The following MSI2 variants were observed in gnomAD, a reference collection of about 807,000 sequenced individuals.
MSI2 encodes the protein musashi RNA binding protein 2, also known as RNA-binding protein Musashi homolog 2.
A neutral mutation model predicts 45.6 loss-of-function variants in MSI2; 17 were observed. That is an observed-to-expected ratio of 0.37 (90% CI 0.26 to 0.56). The LOEUF (loss-of-function observed/expected upper bound fraction) is 0.56. Ranked by LOEUF, MSI2 falls within the 20% of genes least tolerant of loss-of-function variation. The pLI, the probability that MSI2 is intolerant of heterozygous loss-of-function variation, is 0.77. For missense variants in MSI2, 293 were observed against 444.2 expected (o/e 0.66, Z 3.06); for synonymous variants, 156 against 158.2 (o/e 0.99, Z 0.11).
At chr17:57,555,152 C>T (rs2087401824) in intron 7 of MSI2, among the ~76,000 whole-genome samples, 1 of 152,316 alleles carries the variant, frequency 6.6e-6, no homozygotes, top group East Asian at 1.9e-4. Flanking sequence ...GTTGCTCAAG[C>T]CATACCTGAG....
At chr17:57,358,149 G>T (rs1437928301) in intron 5 of MSI2, among the ~76,000 whole-genome samples, 3 of 152,136 alleles carry the variant, frequency 2.0e-5, no homozygotes, top group Non-Finnish European at 4.4e-5. Flanking sequence ...GTGAAAAGTT[G>T]AGGGCAGAGG....
chr17:57,518,461 C>G (rs1489932699), intron 6 of MSI2, among the ~76,000 whole-genome samples: 1 of 152,184 alleles, frequency 6.6e-6, no homozygotes, highest in Non-Finnish European at 1.5e-5. Context: ...CGTATTAGGA[C>G]AGATGAGGTG....
At chr17:57,448,952 C>CT (rs1235459251) in intron 6 of MSI2, 4 of 152,198 alleles carry the variant, frequency 2.6e-5, no homozygotes, top group African/African-American at 9.7e-5. Context: ...TGCTGAGGGC[C>CT]TAGCGTGATG....
chr17:57,301,087 T>C (rs138552517), intron 5 of MSI2, among the ~76,000 whole-genome samples: 67 of 152,334 alleles, frequency 4.4e-4, no homozygotes, highest in Non-Finnish European at 2.2e-4. Context: ...ACCTTCCTTA[T>C]GTAACAAAAC....
At chr17:57,653,287 G>A (rs575659051) in intron 11 of MSI2, among the ~76,000 whole-genome samples, 3 of 152,286 alleles carry the variant, frequency 2.0e-5, no homozygotes, top group South Asian at 2.1e-4. Flanking sequence ...CCACTCCCCC[G>A]AATCATCCCA....
intron 7 of MSI2, among the ~76,000 whole-genome samples, chr17:57,594,867 G>C (rs956829862): frequency 2.6e-5 from 4 of 152,090 alleles, no homozygotes; most frequent in African/African-American, 9.7e-5. Context: ...TACATCTGAT[G>C]CTGCCTTATG....
At chr17:57,497,811 C>T (rs954003123) in intron 6 of MSI2, among the ~76,000 whole-genome samples, 4 of 152,152 alleles carry the variant, frequency 2.6e-5, no homozygotes, top group African/African-American at 4.8e-5. Context: ...CTGCACTGTC[C>T]GGACAAGCTG....
Position 57,682,322 on chromosome 17 carries a change from C to CCG in MSI2, c.*2806_*2807insGC. ...ACTCTACGGCGTTTTGTAGATCCCC[C>CCG]CCCCCCCACCCACTGTGAAGGGGTG... On this transcript the variant is annotated 3_prime_UTR_variant, in exon 14 of 14. Coordinates refer to ENST00000284073, the MANE Select transcript of MSI2 (RefSeq NM_138962.4). The CCG allele has an allele frequency of 6.6e-6, 1 of 151,674 alleles. No homozygotes were observed. The highest frequency in any genetic ancestry group is 1.5e-4 in the East Asian group (1 of 6,790). 9.4% of individuals were successfully genotyped at this position (151,674 alleles called of 1,614,324 possible). A position where few individuals can be genotyped will look rare whatever the true frequency, so the allele number is the denominator to read the frequency against.
Position 57,280,981 on chromosome 17 carries a change from G to A in MSI2, c.312+18789G>A, listed in dbSNP as rs145532198. ...CTCTGCAATCCAGGGGCTCTCCCGT[G>A]AGTTCTGCCCAGGCCAGGGGCCCAA... On this transcript the variant is annotated intron_variant, in intron 5 of 13. Coordinates refer to ENST00000284073, the MANE Select transcript of MSI2 (RefSeq NM_138962.4). This position sits in a 1 kb window ranked among gnomAD's most constrained non-coding sequence, Gnocchi z 4.2. Among the ~76,000 whole-genome samples, 115 of 152,276 alleles carry A rather than the reference G, an allele frequency of 7.6e-4. 1 individual carries two copies. Among genetic ancestry groups the A allele is most frequent in the Middle Eastern group, 3.4e-3 (1 of 294 alleles).
intron 5 of MSI2, among the ~76,000 whole-genome samples, chr17:57,387,600 A>G (rs1406938016): frequency 6.6e-6 from 1 of 152,248 alleles, no homozygotes; most frequent in Non-Finnish European, 1.5e-5. Context: ...TTGCTAGAGC[A>G]TCTCTAACCA....
At chr17:57,389,337 A>G (rs1013415666) in intron 5 of MSI2, among the ~76,000 whole-genome samples, 2 of 152,130 alleles carry the variant, frequency 1.3e-5, no homozygotes, top group African/African-American at 4.8e-5. Flanking sequence ...AACCCCACAG[A>G]GATTCAGCCT....
intron 6 of MSI2, among the ~76,000 whole-genome samples, chr17:57,491,329 G>C (rs1263692706): frequency 6.6e-6 from 1 of 152,204 alleles, no homozygotes; most frequent in Non-Finnish European, 1.5e-5. Flanking sequence ...TGAGATTCTA[G>C]GGTGTTAACT....
At chr17:57,413,532 T>A (rs568873132) in intron 6 of MSI2, among the ~76,000 whole-genome samples, 1 of 152,136 alleles carries the variant, frequency 6.6e-6, no homozygotes, top group East Asian at 1.9e-4. Flanking sequence ...TAACGGATAC[T>A]GCCTGGAAAT....
intron 10 of MSI2, among the ~76,000 whole-genome samples, chr17:57,634,221 T>C (rs1224102494): frequency 6.6e-6 from 1 of 152,034 alleles, no homozygotes; most frequent in African/African-American, 2.4e-5. Context: ...TCCCAACACT[T>C]TGGGGAGGTC....
chr17:57,550,642 G>A (rs924665531), intron 7 of MSI2, among the ~76,000 whole-genome samples: 12 of 152,138 alleles, frequency 7.9e-5, no homozygotes, highest in Non-Finnish European at 1.3e-4. Flanking sequence ...CGAGCTCTCC[G>A]TTTTCTTAAT....
chr17:57,605,503 G>T, intron 8 of MSI2, among the ~76,000 whole-genome samples: 1 of 152,112 alleles, frequency 6.6e-6, no homozygotes, highest in Non-Finnish European at 1.5e-5. Context: ...GCTGCCACCA[G>T]CGTCCCCGTA....
At chr17:57,522,588 G>A (rs73312822) in intron 6 of MSI2, 5,767 of 152,222 alleles carry the variant, frequency 0.038, 343 homozygotes, top group African/African-American at 0.13. Context: ...CCAGAGCATC[G>A]TCCCAGCTGC....
chr17:57,580,083 A>G (rs2144361068), intron 7 of MSI2, among the ~76,000 whole-genome samples: 1 of 151,732 alleles, frequency 6.6e-6, no homozygotes, highest in African/African-American at 2.4e-5. Flanking sequence ...AAAAAAAAAT[A>G]GAACCAGGTG....
chr17:57,374,671 C>T (rs369567062), intron 5 of MSI2, among the ~76,000 whole-genome samples: 11 of 151,942 alleles, frequency 7.2e-5, no homozygotes, highest in African/African-American at 2.4e-4. Flanking sequence ...CCCAGCTACT[C>T]GGGAGGTTGA....
Sources: gnomAD v4.1 joint callset for allele counts (sites outside exome capture counted in the v4.1 genomes callset) on GRCh38, gnomAD v4.1.1 for gene constraint, Gnocchi (gnomAD v3.1) non-coding constraint, MANE v1.5 for transcripts, NCBI Gene and HGNC (gene_info 2026-07-23, HGNC 2026-07-21) for gene names.